Variants in PIGO observed in about 807,000 individuals in gnomAD.
The protein encoded by PIGO is GPI ethanolamine phosphate transferase 3, catalytic subunit.
PIGO carries 66 observed loss-of-function variants against 86.9 expected under a neutral mutation model. The ratio of observed to expected loss-of-function variants is 0.76; its 90% CI spans 0.62 to 0.93. PIGO has a LOEUF of 0.93. Among genes scored for constraint, PIGO ranks in the 40% least tolerant of loss-of-function variants. The probability of loss-of-function intolerance (pLI) is 0.00; values close to 1 mark genes in which losing one functional copy is unlikely to be tolerated. For synonymous variants in PIGO, 570 were observed against 556.4 expected (o/e 1.02, Z -0.34); for missense variants, 1,202 against 1,359.1 (o/e 0.88, Z 1.82).
intron 7 of PIGO, 27 bp from the exon 8 acceptor site, chr9:35,090,699 AGTCAC>A (rs777382083): frequency 8.7e-6 from 14 of 1,605,996 alleles, no homozygotes; most frequent in Middle Eastern, 1.7e-4. Flanking sequence ...GCCACGTTAC[AGTCAC>A]TTCTTATTCC....
At chr9:35,092,864 T>G (rs1458157566) in intron 6 of PIGO, 97 bp from the exon 7 acceptor site, 1 of 1,385,996 alleles carries the variant, frequency 7.2e-7, no homozygotes, top group Non-Finnish European at 9.8e-7. Context: ...TACCTGGAAG[T>G]CAAGGACCCA....
chr9:35,089,017 C>G lies in PIGO; in HGVS notation c.*75G>C. 1 of 1,590,848 alleles carries G rather than the reference C, an allele frequency of 6.3e-7. No homozygotes were observed. The highest frequency in any genetic ancestry group is 8.6e-7 in the Non-Finnish European group (1 of 1,166,546). ...TGGCTGAGCCTGTCTTGCAGATCAT[C>G]CAGTACCTGTACAGGCCAGGCTACA... On this transcript the variant is annotated 3_prime_UTR_variant, in exon 11 of 11. Transcript: ENST00000378617.
rs144233446 is a variant in PIGO, at chr9:35,091,526, G to T, written c.2361C>A (p.Pro787=). 47 of 1,613,988 alleles carry T rather than the reference G, an allele frequency of 2.9e-5. No individual in the cohort carries two copies. Among genetic ancestry groups the T allele is most frequent in the African/African-American group, 5.3e-5 (4 of 74,914 alleles). The change falls in exon 7 of 11, where the codon CCC becomes CCA. Residue 787 remains proline, a synonymous_variant. Coordinates refer to ENST00000378617, the MANE Select transcript of PIGO (RefSeq NM_032634.4). ...CATAATCCAAGTCAGCTTGAGAAGT[G>T]GGGGGGCCTGAGAAGGGAGTGAGGA... ...RTVLTPFSGP[P]TSQADLDYVV...
In PIGO at chr9:35,095,208, G is replaced by A. The variant is rs1302975633; in HGVS notation, c.358C>T (p.Leu120Phe). The change falls in exon 2 of 11, where the codon CTC becomes TTC. Residue 120 changes from leucine to phenylalanine, a missense_variant. Physicochemically the swap from Leu to Phe is conservative, Grantham distance 22 (BLOSUM62 0). Transcript: ENST00000378617. Reference sequence around the variant, plus strand: ...GGAGGGTCAACCTGAGATCGGTAGAGCCGGGCATGGTGGGGCTGAATCTCC... The same window carrying A: ...GGAGGGTCAACCTGAGATCGGTAGAACCGGGCATGGTGGGGCTGAATCTCC... ...ILEIQPHHAR[L>F]YRSQVDPPTT... 1 of 1,614,124 alleles carries A rather than the reference G, an allele frequency of 6.2e-7. No homozygotes were observed. Among genetic ancestry groups the A allele is most frequent in the Non-Finnish European group, 8.5e-7 (1 of 1,180,050 alleles).
intron 1 of PIGO, 164 bp downstream of exon 1, chr9:35,095,991 G>A (rs1434208210): frequency 6.1e-6 from 1 of 164,530 alleles, no homozygotes; most frequent in Non-Finnish European, 1.3e-5. Flanking sequence ...ACAACAGAGG[G>A]AGACGCCGTT....
intron 4 of PIGO, 79 bp from the exon 5 acceptor site, chr9:35,093,659 C>T: frequency 6.8e-7 from 1 of 1,469,622 alleles, no homozygotes; most frequent in Non-Finnish European, 9.0e-7. Context: ...TCTCCAGGGG[C>T]CTATTCATCC....
rs546184622 is a variant in PIGO, at chr9:35,092,600, C to T, written c.1287G>A (p.Gln429=). 6.2e-7 allele frequency: 1 copy of T among 1,614,266 alleles called. No individual in the cohort carries two copies. Among genetic ancestry groups the T allele is most frequent in the East Asian group, 2.2e-5 (1 of 44,884 alleles). The part of the protein sequence containing the change: ...ATLPTVIAEL[Q]QFLRGARAMC... Reference sequence around the variant, plus strand: ...TGGCCCGAGCTCCCCGCAGGAACTGCTGCAGCTCAGCAATCACAGTCGGCA... The same window carrying T: ...TGGCCCGAGCTCCCCGCAGGAACTGTTGCAGCTCAGCAATCACAGTCGGCA... The change falls in exon 7 of 11, where the codon CAG becomes CAA. Residue 429 remains glutamine (Q), a synonymous_variant. Coordinates refer to ENST00000378617, the MANE Select transcript of PIGO (RefSeq NM_032634.4).
chr9:35,088,860 C>T lies in PIGO; in HGVS notation c.*232G>A, dbSNP rs927974729. On this transcript the variant is annotated 3_prime_UTR_variant, in exon 11 of 11. Coordinates refer to ENST00000378617, the MANE Select transcript of PIGO (RefSeq NM_032634.4). ...ACGCCCGGCCTATTTTATTCCACTT[C>T]GGAGACCGCCCCCCTTGTCCCTCAG... 8 of 508,936 alleles carry T rather than the reference C, an allele frequency of 1.6e-5. No homozygotes were observed. The highest frequency in any genetic ancestry group is 7.8e-5 in the East Asian group (2 of 25,670). 31.5% of individuals were successfully genotyped at this position (508,936 alleles called of 1,614,324 possible). A position where few individuals can be genotyped will look rare whatever the true frequency, so the allele number is the denominator to read the frequency against.
At chr9:35,093,756 G>T in intron 4 of PIGO, 145 bp downstream of exon 4, 1 of 1,462,762 alleles carries the variant, frequency 6.8e-7, no homozygotes, top group Non-Finnish European at 9.2e-7. Context: ...GCTACACATT[G>T]AGTTAATCAA....
At chr9:35,090,769 T>C (rs1471098556) in intron 7 of PIGO, 97 bp from the exon 8 acceptor site, 1 of 1,207,046 alleles carries the variant, frequency 8.3e-7, no homozygotes, top group Non-Finnish European at 1.2e-6. Flanking sequence ...TCAGTATCAA[T>C]TCTCATACAC....
In PIGO at chr9:35,089,085, G is replaced by T; in HGVS notation, c.*7C>A. On this transcript the variant is annotated 3_prime_UTR_variant, in exon 11 of 11. Transcript: ENST00000378617. ...CTGTAGCCAAGTGCCAGTAATCACA[G>T]ACTAGGCTACCTCTGCTGGGCCAGA... The T allele has an allele frequency of 4.3e-6, 7 of 1,614,060 alleles. No homozygotes were observed. Among genetic ancestry groups the T allele is most frequent in the South Asian group, 1.1e-5 (1 of 91,044 alleles).
At chr9:35,089,901 A>G (rs778568471) in intron 9 of PIGO, 165 bp downstream of exon 9, 223 of 1,431,072 alleles carry the variant, frequency 1.6e-4, no homozygotes, top group Non-Finnish European at 2.0e-4. Context: ...AAGGAGACCC[A>G]GGTTCAAGTC....
rs753335277 is a variant in PIGO, at chr9:35,089,136, C to T, written c.3226G>A (p.Val1076Met). The T allele has an allele frequency of 4.3e-6, 7 of 1,614,174 alleles. No individual in the cohort carries two copies. Among genetic ancestry groups the T allele is most frequent in the Non-Finnish European group, 5.9e-6 (7 of 1,180,030 alleles). ...IALVMRVDGA[V>M]SSWFRQLFLA... ...AATAGCTGCCTGAACCAGGAGCTCA[C>T]AGCACCATCCACTCTCATCACCAAA... Residue 1076 changes from valine (V) to methionine (M), a missense_variant, in exon 11 of 11, where the codon GTG becomes ATG. Val to Met is a conservative substitution (Grantham distance 21, BLOSUM62 1). Transcript: ENST00000378617.
chr9:35,095,446 G>A lies in PIGO; in HGVS notation c.120C>T (p.Ser40=). ...LTRLELTNHS[S]CQEPPGPGSL... is the part of the protein sequence containing the mutation. ...ACCCAGGGCCTGGGGGCTCTTGGCA[G>A]CTGCTATGGTTGGTGAGCTCCAAAC... is the stretch of plus-strand genomic sequence containing the variant. The change falls in exon 2 of 11, where the codon AGC becomes AGT. Residue 40 remains serine (S), a synonymous_variant. Transcript: ENST00000378617. 4 of 1,614,012 alleles carry A rather than the reference G, an allele frequency of 2.5e-6. No homozygotes were observed. The highest frequency in any genetic ancestry group is 3.4e-6 in the Non-Finnish European group (4 of 1,179,964).
intron 5 of PIGO, 48 bp from the exon 6 acceptor site, chr9:35,093,257 C>A: frequency 1.3e-6 from 2 of 1,587,116 alleles, no homozygotes; most frequent in South Asian, 2.3e-5. Flanking sequence ...AAGCTGAAGT[C>A]AATGTTTGGG....
chr9:35,093,438 G>A lies in PIGO; in HGVS notation c.922C>T (p.Pro308Ser), dbSNP rs773759486. The change falls in exon 5 of 11, where the codon CCC (proline) becomes TCC (serine). Residue 308 changes from proline to serine, a missense_variant. Physicochemically the swap from Pro to Ser is moderately conservative, Grantham distance 74. Transcript: ENST00000378617. Reference protein sequence around the residue: ...LFLYSPTAVFPSTPPEEPEVI... With the variant: ...LFLYSPTAVFSSTPPEEPEVI... Reference sequence around the variant, plus strand: ...GGCCTCACCTCTGGTGGGGTGCTGGGGAAGACTGCTGTGGGGCTATACAGA... The same window carrying A: ...GGCCTCACCTCTGGTGGGGTGCTGGAGAAGACTGCTGTGGGGCTATACAGA... The A allele has an allele frequency of 6.2e-7, 1 of 1,614,166 alleles. No homozygotes were observed. The highest frequency in any genetic ancestry group is 1.7e-5 in the Admixed American group (1 of 60,024).
chr9:35,089,488 G>C, intron 9 of PIGO, 38 bp from the exon 10 acceptor site: 1 of 1,613,856 alleles, frequency 6.2e-7, no homozygotes, highest in Non-Finnish European at 8.5e-7. Flanking sequence ...ACTTGTGAAG[G>C]AGAGGAGGAA....
chr9:35,090,171 C>T lies in PIGO; in HGVS notation c.2964G>A (p.Glu988=), dbSNP rs757219285. 3.1e-6 allele frequency: 5 copies of T among 1,614,254 alleles called. No homozygotes were observed. The highest frequency in any genetic ancestry group is 8.5e-7 in the Non-Finnish European group (1 of 1,180,046). Residue 988 remains glutamate, a synonymous_variant, in exon 9 of 11, where the codon GAG becomes GAA. Transcript: ENST00000378617. ...NEADARVRPE[E]EEEPLMEMRL... is the part of the protein sequence containing the mutation. ...GCATCTCCATCAGTGGCTCCTCTTCCTCCTCGGGTCTGACTCTGGCATCAG... is the reference window on the plus strand; with the variant it reads ...GCATCTCCATCAGTGGCTCCTCTTCTTCCTCGGGTCTGACTCTGGCATCAG...
At chr9:35,093,361 C>A (rs907314655) in intron 5 of PIGO, 60 bp downstream of exon 5, 5 of 1,608,010 alleles carry the variant, frequency 3.1e-6, no homozygotes, top group South Asian at 1.1e-5. Flanking sequence ...CATGAGGATG[C>A]TGTAATGGTA....
Sources: allele counts gnomAD v4.1 joint callset, GRCh38; gene constraint gnomAD v4.1.1; transcripts MANE v1.5; gene names NCBI Gene and HGNC (gene_info 2026-07-23, HGNC 2026-07-21).